The following METTL6 variants were observed in gnomAD, a reference collection of about 807,000 sequenced individuals.
METTL6 encodes the protein tRNA N(3)-cytidine methyltransferase METTL6.
A neutral mutation model predicts 26.4 loss-of-function variants in METTL6; 22 were observed. The observed-to-expected ratio is 0.83, with a 90% CI of 0.59 to 1.19. METTL6 has a LOEUF of 1.19. METTL6 is among the 50% of genes most tolerant of loss of function. METTL6 has a pLI of 0.00. For missense variants in METTL6, 304 were observed against 324.8 expected, an observed-to-expected ratio of 0.94 and a Z score of 0.49; for synonymous variants, 109 against 116.2, an observed-to-expected ratio of 0.94 and a Z score of 0.40.
At chr3:15,394,026 A>G (rs1228036422) in intron 6 of METTL6, among the ~76,000 whole-genome samples, 2 of 152,208 alleles carry the variant, frequency 1.3e-5, no homozygotes, top group Non-Finnish European at 2.9e-5. Flanking sequence ...TGAGTTAGGG[A>G]GGATTCCCTC....
intron 6 of METTL6, among the ~76,000 whole-genome samples, chr3:15,403,720 A>T (rs1251557167): frequency 6.6e-6 from 1 of 152,252 alleles, no homozygotes; most frequent in Non-Finnish European, 1.5e-5. Context: ...CTAGCAAAAT[A>T]AATAATTCAG....
At chr3:15,399,747 C>G (rs1215559769) in intron 6 of METTL6, among the ~76,000 whole-genome samples, 1 of 152,000 alleles carries the variant, frequency 6.6e-6, no homozygotes, top group East Asian at 1.9e-4. Context: ...GAAAATATCC[C>G]CATCCAAGGT....
intron 3 of METTL6, among the ~76,000 whole-genome samples, chr3:15,424,207 C>T (rs1018198622): frequency 2.6e-5 from 4 of 152,162 alleles, no homozygotes; most frequent in Admixed American, 6.5e-5. Flanking sequence ...TAAAAGACAC[C>T]GGGAACTATT....
chr3:15,413,872 G>A, intron 5 of METTL6, 149 bp downstream of exon 5: 1 of 1,522,224 alleles, frequency 6.6e-7, no homozygotes, highest in Non-Finnish European at 8.8e-7. Flanking sequence ...CCTTCCAGGT[G>A]CTGGGTAAAT....
chr3:15,410,174 A>T lies in METTL6; in HGVS notation c.*1082T>A, dbSNP rs908630336. 2.6e-5 allele frequency among the ~76,000 whole-genome samples: 4 copies of T among 152,098 alleles called. No individual in the cohort carries two copies. The highest frequency in any genetic ancestry group is 9.7e-5 in the African/African-American group (4 of 41,446). ...ATACACTTCCTATTTTTTAATACAA[A>T]AAGTACATAGTAGCCCCCCGTATCT... On this transcript the variant is annotated 3_prime_UTR_variant, in exon 6 of 6. Transcript: ENST00000383790.
intron 6 of METTL6, among the ~76,000 whole-genome samples, chr3:15,394,248 T>G (rs1699426430): frequency 6.6e-6 from 1 of 152,232 alleles, no homozygotes; most frequent in African/African-American, 2.4e-5. Flanking sequence ...GTCAAGGAAT[T>G]TATCCATTTC....
chr3:15,427,610 C>T (rs1424669436), upstream of METTL6: 4 of 633,464 alleles, frequency 6.3e-6, no homozygotes, highest in South Asian at 1.9e-5. Flanking sequence ...CTCTCACCCC[C>T]ACGCAGAGGA....
chr3:15,420,533 G>T (rs1186114460), intron 3 of METTL6, among the ~76,000 whole-genome samples: 1 of 152,186 alleles, frequency 6.6e-6, no homozygotes, highest in East Asian at 1.9e-4. Context: ...ACTGCGTCAG[G>T]AGAAAAGGAG....
At chr3:15,396,866 C>A (rs916641003) in intron 6 of METTL6, among the ~76,000 whole-genome samples, 1 of 152,122 alleles carries the variant, frequency 6.6e-6, no homozygotes, top group Non-Finnish European at 1.5e-5. Flanking sequence ...CAGAGAAGTA[C>A]CTGGCCATGT....
In METTL6 at chr3:15,397,186, G is replaced by A. The variant is rs562167236; in HGVS notation, c.*12-12999C>T. On this transcript the variant is annotated intron_variant, in intron 6 of 6. Coordinates refer to the METTL6 transcript ENST00000443029. The stretch of plus-strand genomic sequence containing the variant: ...ACCTACTCAAGCCTCAGCAATGGCG[G>A]GCGCCCCTCCCCCAGCCTCACTGCT... Among the ~76,000 whole-genome samples the A allele has an allele frequency of 2.0e-5, 3 of 152,320 alleles. No individual in the cohort carries two copies. In the South Asian group the frequency reaches 6.2e-4, roughly 32 times the overall value.
intron 6 of METTL6, among the ~76,000 whole-genome samples, chr3:15,397,374 T>C (rs6797033): frequency 0.15 from 22,705 of 152,060 alleles, 3,132 homozygotes; most frequent in African/African-American, 0.37. Flanking sequence ...TTTCCAGGTG[T>C]CGTCCGTCAC....
At position 15,386,232 on chromosome 3, in the gene METTL6, G is replaced by T. The variant is rs950558574; in HGVS notation, c.*12-2045C>A. Among the ~76,000 whole-genome samples the T allele has an allele frequency of 4.6e-5, 7 of 152,276 alleles. No homozygotes were observed. In the East Asian group the frequency reaches 1.3e-3, roughly 29 times the overall value. On this transcript the variant is annotated intron_variant, in intron 6 of 6. Coordinates refer to the METTL6 transcript ENST00000443029. ...GCATTTGTAAATTGTCATGGTGCTG[G>T]TGGGAGTGTCTTTTAGCATGCTAAT...
chr3:15,420,318 A>C (rs887289454), intron 3 of METTL6, among the ~76,000 whole-genome samples: 3 of 152,234 alleles, frequency 2.0e-5, no homozygotes, highest in Non-Finnish European at 2.9e-5. Flanking sequence ...TTAAAAATCT[A>C]CTGTGTATAA....
intron 3 of METTL6, among the ~76,000 whole-genome samples, chr3:15,424,144 C>T (rs1242633504): frequency 0.012 from 1 of 82 alleles, no homozygotes; most frequent in Non-Finnish European, 0.028. Context: ...CATGCCACTG[C>T]ATTTCAACTG....
chr3:15,411,922 C>T (rs1699985507), intron 5 of METTL6, among the ~76,000 whole-genome samples: 1 of 152,004 alleles, frequency 6.6e-6, no homozygotes, highest in Non-Finnish European at 1.5e-5. Context: ...ACTACCATGC[C>T]TGGTTAATTT....
chr3:15,381,969 A>G (rs1028589598), exon 7 of METTL6: 8 of 152,064 alleles, frequency 5.3e-5, no homozygotes, highest in Non-Finnish European at 1.2e-4. Context: ...CTTTCTGAAT[A>G]GCCACCTAAC....
intron 3 of METTL6, among the ~76,000 whole-genome samples, chr3:15,422,412 T>C (rs1421280935): frequency 6.6e-6 from 1 of 152,098 alleles, no homozygotes; most frequent in Non-Finnish European, 1.5e-5. Context: ...GCAGATCACT[T>C]GAGTTCAGAA....
intron 3 of METTL6, among the ~76,000 whole-genome samples, chr3:15,418,965 T>C (rs573503303): frequency 7.1e-4 from 108 of 152,242 alleles, no homozygotes; most frequent in African/African-American, 2.5e-3. Flanking sequence ...ATTTAAATCC[T>C]GTGTAGCCTG....
exon 7 of METTL6, chr3:15,383,064 G>T (rs1173883689): frequency 2.6e-5 from 4 of 152,172 alleles, no homozygotes; most frequent in Non-Finnish European, 5.9e-5. Flanking sequence ...ACTGTACATG[G>T]TGACCATAGT....
Sources: allele counts gnomAD v4.1 joint callset (sites outside exome capture counted in the v4.1 genomes callset), GRCh38; gene constraint gnomAD v4.1.1; transcripts MANE v1.5; gene names NCBI Gene and HGNC (gene_info 2026-07-23, HGNC 2026-07-21).